SMYD2: variants seen among roughly 807,000 people sequenced by gnomAD.
SMYD2 encodes the protein SET and MYND domain containing 2.
In SMYD2, 53 loss-of-function variants were observed where a neutral mutation model predicts 59.1. That is an observed-to-expected ratio of 0.90 (90% CI 0.72 to 1.13). The LOEUF is 1.13. Among genes scored for constraint, SMYD2 ranks in the 50% most tolerant of loss-of-function variants. SMYD2 has a pLI of 0.00. For synonymous variants in SMYD2, 208 were observed against 198.8 expected (o/e 1.05, Z -0.39); for missense variants, 494 against 544.7 (o/e 0.91, Z 0.93).
intron 1 of SMYD2, among the ~76,000 whole-genome samples, chr1:214,282,041 G>T (rs34161369): frequency 0.053 from 8,093 of 152,350 alleles, 224 homozygotes; most frequent in East Asian, 0.099. Context: ...GCAGTGTCCA[G>T]TTTCGGTTTG....
intron 1 of SMYD2, among the ~76,000 whole-genome samples, chr1:214,287,322 C>T (rs1055665789): frequency 2.6e-5 from 4 of 151,888 alleles, no homozygotes; most frequent in African/African-American, 7.2e-5. Context: ...CGCGGTGGCT[C>T]ATGCCTGTAA....
intron 3 of SMYD2, among the ~76,000 whole-genome samples, chr1:214,316,989 T>C (rs554423655): frequency 6.6e-6 from 1 of 152,206 alleles, no homozygotes; most frequent in Non-Finnish European, 1.5e-5. Context: ...AGCTGGTGTT[T>C]TATTATTTTG....
intron 1 of SMYD2, among the ~76,000 whole-genome samples, chr1:214,299,465 T>TTATATATATATATATATATATA (rs756823866): frequency 0.059 from 4,034 of 68,730 alleles, 123 homozygotes; most frequent in African/African-American, 0.11. Flanking sequence ...AAAGAAAACA[T>TTATATATATATATATATATATA]TATATATATA....
At chr1:214,313,429 C>A (rs1248038056) in intron 2 of SMYD2, among the ~76,000 whole-genome samples, 1 of 151,774 alleles carries the variant, frequency 6.6e-6, no homozygotes, top group African/African-American at 2.4e-5. Flanking sequence ...AAGGACAGAG[C>A]AGGACAGTAC....
chr1:214,318,027 A>G lies in SMYD2; in HGVS notation c.349-52A>G. 4 of 1,514,138 alleles carry G rather than the reference A, an allele frequency of 2.6e-6. No homozygotes were observed. Among genetic ancestry groups the G allele is most frequent in the Non-Finnish European group, 3.7e-6 (4 of 1,092,378 alleles). 93.8% of individuals were successfully genotyped at this position (1,514,138 alleles called of 1,614,324 possible). A position where few individuals can be genotyped will look rare whatever the true frequency, so the allele number is the denominator to read the frequency against. On this transcript the variant is annotated intron_variant, in intron 3 of 11. Coordinates refer to ENST00000366957, the MANE Select transcript of SMYD2 (RefSeq NM_020197.3). This position sits in a 1 kb window ranked among gnomAD's most constrained non-coding sequence, Gnocchi z 5.4. ...GTAAAAGTGAAAGTGCCACTTTATTACACTGGTTGTTAAAAAATCTGTATC... is the reference window on the plus strand; with the variant it reads ...GTAAAAGTGAAAGTGCCACTTTATTGCACTGGTTGTTAAAAAATCTGTATC...
At chr1:214,327,001 C>T (rs547051878) in intron 6 of SMYD2, among the ~76,000 whole-genome samples, 2 of 152,388 alleles carry the variant, frequency 1.3e-5, no homozygotes, top group Non-Finnish European at 2.9e-5. Flanking sequence ...TCAGAAAGCT[C>T]AAAGCACCTC....
At chr1:214,284,805 C>T (rs943447934) in intron 1 of SMYD2, among the ~76,000 whole-genome samples, 8 of 152,172 alleles carry the variant, frequency 5.3e-5, no homozygotes, top group Non-Finnish European at 1.0e-4. Context: ...CGTGAGCCAC[C>T]GTGCCTGGCC....
intron 11 of SMYD2, among the ~76,000 whole-genome samples, chr1:214,335,448 G>A (rs1657421317): frequency 6.6e-6 from 1 of 152,248 alleles, no homozygotes; most frequent in African/African-American, 2.4e-5. Context: ...GTCGGCACCT[G>A]GAACAGGTGA....
chr1:214,334,131 T>G (rs561016170), intron 10 of SMYD2, 69 bp from the exon 11 acceptor site: 1 of 1,438,652 alleles, frequency 7.0e-7, no homozygotes, highest in Admixed American at 1.7e-5. Flanking sequence ...TCCGGCTTAC[T>G]GCACCCAGCC....
At chr1:214,285,656 G>A (rs925306897) in intron 1 of SMYD2, among the ~76,000 whole-genome samples, 2 of 152,046 alleles carry the variant, frequency 1.3e-5, no homozygotes, top group South Asian at 2.1e-4. Flanking sequence ...TAAGGAAATG[G>A]CTGTTTTCAC....
At chr1:214,293,407 C>T (rs976678869) in intron 1 of SMYD2, among the ~76,000 whole-genome samples, 3 of 152,084 alleles carry the variant, frequency 2.0e-5, no homozygotes, top group African/African-American at 7.2e-5. Flanking sequence ...TATTTATCGA[C>T]TTGTTTGTAT....
At chr1:214,316,341 TGTG>T (rs1253502232) in intron 3 of SMYD2, among the ~76,000 whole-genome samples, 1 of 151,932 alleles carries the variant, frequency 6.6e-6, no homozygotes, top group Non-Finnish European at 1.5e-5. Flanking sequence ...ATTTCCCAGG[TGTG>T]GTGGTATACA....
chr1:214,293,167 T>G (rs1656666611), intron 1 of SMYD2, among the ~76,000 whole-genome samples: 1 of 151,770 alleles, frequency 6.6e-6, no homozygotes, highest in Non-Finnish European at 1.5e-5. Flanking sequence ...ATTCTCCCGC[T>G]TCAGTCTCCT....
At position 214,318,130 on chromosome 1, in the gene SMYD2, T is replaced by A; in HGVS notation, c.400T>A (p.Phe134Ile). ...PSEKLLAVKE[F>I]ESHLDKLDNE... The stretch of plus-strand genomic sequence containing the variant: ...GGAAAAATTGTTAGCTGTGAAGGAG[T>A]TTGAATCACGTAAGTCTTTCTGTGA... Residue 134 changes from phenylalanine to isoleucine, a missense_variant, in exon 4 of 12, where the codon TTT becomes ATT. Phe to Ile is a conservative substitution (Grantham distance 21). Transcript: ENST00000366957. This position sits in a 1 kb window ranked among gnomAD's most constrained non-coding sequence, Gnocchi z 5.4. 6.2e-7 allele frequency: 1 copy of A among 1,613,822 alleles called. No individual in the cohort carries two copies. Among genetic ancestry groups the A allele is most frequent in the Non-Finnish European group, 8.5e-7 (1 of 1,179,940 alleles).
intron 1 of SMYD2, among the ~76,000 whole-genome samples, chr1:214,302,458 A>C (rs1048147725): frequency 6.6e-6 from 1 of 151,914 alleles, no homozygotes; most frequent in African/African-American, 2.4e-5. Flanking sequence ...TGCAAATGTT[A>C]AAACAGTGAG....
At chr1:214,330,417 G>C in intron 8 of SMYD2, 139 bp downstream of exon 8, 1 of 578,204 alleles carries the variant, frequency 1.7e-6, no homozygotes, top group South Asian at 2.6e-5. Context: ...CAGCCAAAGG[G>C]AATCTAGTTA....
At chr1:214,306,444 C>T (rs937553988) in intron 2 of SMYD2, among the ~76,000 whole-genome samples, 1 of 152,202 alleles carries the variant, frequency 6.6e-6, no homozygotes, top group Middle Eastern at 3.2e-3. Context: ...TTGGGAAGCT[C>T]AGACTCTGCC....
chr1:214,335,979 A>G (rs1657429413), intron 11 of SMYD2, among the ~76,000 whole-genome samples: 2 of 152,216 alleles, frequency 1.3e-5, no homozygotes, highest in South Asian at 4.1e-4. Flanking sequence ...CAGGTTAGTA[A>G]TGTCAACTAA....
chr1:214,317,110 T>C (rs765229517), intron 3 of SMYD2, among the ~76,000 whole-genome samples: 1 of 152,224 alleles, frequency 6.6e-6, no homozygotes, highest in Non-Finnish European at 1.5e-5. Flanking sequence ...ATAAATCTTA[T>C]AAAAATGCAT....
Sources: gnomAD v4.1 joint callset for allele counts (sites outside exome capture counted in the v4.1 genomes callset) on GRCh38, gnomAD v4.1.1 for gene constraint, Gnocchi (gnomAD v3.1) non-coding constraint, MANE v1.5 for transcripts, NCBI Gene and HGNC (gene_info 2026-07-23, HGNC 2026-07-21) for gene names.